Variants in ASCC3 observed in about 807,000 individuals in gnomAD.
The protein encoded by ASCC3 is ASC-1 complex subunit P200.
Under a neutral mutation model 256.3 loss-of-function variants are expected in ASCC3, and 158 were observed. The ratio of observed to expected loss-of-function variants is 0.62; its 90% CI spans 0.54 to 0.70. ASCC3 has a LOEUF of 0.70. ASCC3 is among the 30% of genes least tolerant of loss of function. ASCC3 has a pLI of 0.00. For synonymous variants in ASCC3, 948 were observed against 883.4 expected (o/e 1.07, Z -1.30); for missense variants, 2,259 against 2,626.0 (o/e 0.86, Z 3.05).
At chr6:100,600,296 T>C (rs923767234) in intron 34 of ASCC3, among the ~76,000 whole-genome samples, 1 of 151,644 alleles carries the variant, frequency 6.6e-6, no homozygotes, top group Non-Finnish European at 1.5e-5. Flanking sequence ...TATCAAGAAA[T>C]AGTAATGGGA....
In ASCC3 at chr6:100,532,380, A is replaced by ATGTG. The variant is rs1391590298; in HGVS notation, c.5775+7782_5775+7783insCACA. 3.4e-3 allele frequency among the ~76,000 whole-genome samples: 232 copies of ATGTG among 68,632 alleles called. 1 individual carries two copies. Among genetic ancestry groups the ATGTG allele is most frequent in the African/African-American group, 0.01 (205 of 19,772 alleles). The allele number at this position is 68,632 out of a possible 152,430, so 45.0% of individuals were successfully genotyped here. Reference sequence around the variant, plus strand: ...TGTGTGTGTGTGTGTGTATGTGTGTATATATATATATATATATATATATAT... The same window carrying ATGTG: ...TGTGTGTGTGTGTGTGTATGTGTGTATGTGTATATATATATATATATATATATAT... On this transcript the variant is annotated intron_variant, in intron 37 of 41. Transcript: ENST00000369162.
chr6:100,831,774 C>T (rs1448898870), intron 4 of ASCC3, among the ~76,000 whole-genome samples: 2 of 151,660 alleles, frequency 1.3e-5, no homozygotes, highest in East Asian at 1.9e-4. Context: ...ATCAATGAAA[C>T]ATAAGAAAAT....
chr6:100,607,999 T>C (rs185106914), intron 30 of ASCC3, among the ~76,000 whole-genome samples: 67 of 143,006 alleles, frequency 4.7e-4, no homozygotes, highest in African/African-American at 1.4e-3. Context: ...TAACCCCTTG[T>C]CCATCATATG....
chr6:100,821,325 T>C (rs1701629914), intron 4 of ASCC3, among the ~76,000 whole-genome samples: 1 of 152,106 alleles, frequency 6.6e-6, no homozygotes. Context: ...CTCAACAAAT[T>C]AGACATAGAA....
intron 4 of ASCC3, among the ~76,000 whole-genome samples, chr6:100,833,103 T>C (rs979845265): frequency 6.6e-6 from 1 of 152,184 alleles, no homozygotes; most frequent in Non-Finnish European, 1.5e-5. Flanking sequence ...ATCTGTATAA[T>C]GGAGTATTTT....
At chr6:100,619,973 A>T (rs1460361645) in intron 30 of ASCC3, among the ~76,000 whole-genome samples, 1 of 152,132 alleles carries the variant, frequency 6.6e-6, no homozygotes, top group Non-Finnish European at 1.5e-5. Flanking sequence ...GGTTAAATGA[A>T]GGAGACCTTG....
At chr6:100,791,293 T>C (rs1582869908) in intron 8 of ASCC3, among the ~76,000 whole-genome samples, 1 of 151,852 alleles carries the variant, frequency 6.6e-6, no homozygotes, top group Admixed American at 6.6e-5. Context: ...GTTTCCATAG[T>C]TGCACTCTAA....
intron 13 of ASCC3, among the ~76,000 whole-genome samples, chr6:100,689,665 A>T (rs1437699351): frequency 1.3e-5 from 2 of 152,226 alleles, no homozygotes; most frequent in African/African-American, 4.8e-5. Flanking sequence ...TTTATAAATT[A>T]TAATAGCTTG....
At chr6:100,622,269 G>A (rs1033840411) in intron 30 of ASCC3, among the ~76,000 whole-genome samples, 1 of 152,092 alleles carries the variant, frequency 6.6e-6, no homozygotes, top group Non-Finnish European at 1.5e-5. Flanking sequence ...CATGTTACGG[G>A]AGAGACCAGG....
At chr6:100,657,049 C>A (rs466745) in intron 16 of ASCC3, among the ~76,000 whole-genome samples, 2,926 of 151,178 alleles carry the variant, frequency 0.019, 93 homozygotes, top group African/African-American at 0.067. Context: ...TAACTAATTT[C>A]ATGAAATAAA....
intron 13 of ASCC3, among the ~76,000 whole-genome samples, chr6:100,706,935 T>C (rs1562239983): frequency 6.6e-6 from 1 of 151,866 alleles, no homozygotes; most frequent in Admixed American, 6.6e-5. Flanking sequence ...CATTGCCTTA[T>C]TGGCTTAGTA....
chr6:100,865,108 AG>A (rs1773415918), intron 2 of ASCC3, among the ~76,000 whole-genome samples: 1 of 152,168 alleles, frequency 6.6e-6, no homozygotes, highest in Admixed American at 6.5e-5. Flanking sequence ...ATCTGAGTTT[AG>A]GGGGAGGAGA....
intron 3 of ASCC3, among the ~76,000 whole-genome samples, chr6:100,848,968 T>C (rs888073999): frequency 1.3e-5 from 2 of 152,084 alleles, no homozygotes; most frequent in African/African-American, 2.4e-5. Context: ...TAGCCAGGTA[T>C]GGTGGTGTGC....
chr6:100,636,151 G>A (rs1774832704), intron 25 of ASCC3, among the ~76,000 whole-genome samples: 1 of 152,030 alleles, frequency 6.6e-6, no homozygotes, highest in Non-Finnish European at 1.5e-5. Flanking sequence ...ACAAATTGGA[G>A]GTTTGTGGCA....
At chr6:100,524,989 C>A (rs1774495469) in intron 37 of ASCC3, among the ~76,000 whole-genome samples, 1 of 150,912 alleles carries the variant, frequency 6.6e-6, no homozygotes, top group South Asian at 2.1e-4. Context: ...CCCAGGAGTT[C>A]AAGACCAGCT....
In ASCC3 at chr6:100,805,749, T is replaced by A. The variant is rs144950958; in HGVS notation, c.922+11A>T. On this transcript the variant is annotated intron_variant, in intron 5 of 41. Transcript: ENST00000369162. ...CCTTTAAATTACAATGACCACTGCATACTTTCTTACCTTGAAGAGCCTGAA... is the reference window on the plus strand; with the variant it reads ...CCTTTAAATTACAATGACCACTGCAAACTTTCTTACCTTGAAGAGCCTGAA... 3.1e-4 allele frequency: 499 copies of A among 1,609,618 alleles called. 1 individual carries two copies. The African/African-American group carries it at 5.5e-3, about 18-fold the overall frequency.
chr6:100,774,290 T>C (rs1000214222), intron 8 of ASCC3, among the ~76,000 whole-genome samples: 7 of 152,088 alleles, frequency 4.6e-5, no homozygotes, highest in African/African-American at 9.7e-5. Flanking sequence ...TCTGAGTACA[T>C]GTCACGTGCA....
intron 3 of ASCC3, chr6:100,858,994 A>T (rs1773092012): frequency 4.3e-6 from 3 of 693,664 alleles, no homozygotes; most frequent in Non-Finnish European, 8.0e-6. Context: ...CATTAAAGCC[A>T]TCATAGCATA....
At chr6:100,779,728 T>A (rs965484158) in intron 8 of ASCC3, among the ~76,000 whole-genome samples, 1 of 152,204 alleles carries the variant, frequency 6.6e-6, no homozygotes, top group Non-Finnish European at 1.5e-5. Flanking sequence ...TTTATGGATA[T>A]GTTAATTTCA....
Sources: gnomAD v4.1 joint callset for allele counts (sites outside exome capture counted in the v4.1 genomes callset) on GRCh38, gnomAD v4.1.1 for gene constraint, MANE v1.5 for transcripts, NCBI Gene and HGNC (gene_info 2026-07-23, HGNC 2026-07-21) for gene names.